The following TIMM8B variants were observed in gnomAD, a reference collection of about 807,000 sequenced individuals.
TIMM8B encodes the protein translocase of inner mitochondrial membrane 8 homolog B, also known as mitochondrial import inner membrane translocase subunit Tim8 B.
TIMM8B carries 5 observed loss-of-function variants against 8.5 expected under a neutral mutation model. The observed-to-expected ratio is 0.59, with a 90% CI of 0.31 to 1.24. The LOEUF is 1.24. TIMM8B is among the 50% of genes most tolerant of loss of function. TIMM8B has a pLI of 0.07. For missense variants in TIMM8B, 104 were observed against 109.2 expected, an observed-to-expected ratio of 0.95 and a Z score of 0.21; for synonymous variants, 44 against 39.9, an observed-to-expected ratio of 1.10 and a Z score of -0.39.
rs777356583 is a variant in TIMM8B, at chr11:112,086,718, C to T, written c.6G>A (p.Ala2=). The stretch of plus-strand genomic sequence containing the variant: ...CCGCTTCATCGGCTTCGCCCAGCTC[C>T]GCCATTGTTCGCCTCAGGCTCGCCA... The part of the protein sequence containing the change: M[A]ELGEADEAEL... The change falls in exon 1 of 2, where the codon GCG becomes GCA. Residue 2 remains alanine, a synonymous_variant. Transcript: ENST00000504148. The T allele has an allele frequency of 2.5e-6, 4 of 1,601,856 alleles. No individual in the cohort carries two copies. Among genetic ancestry groups the T allele is most frequent in the African/African-American group, 2.7e-5 (2 of 74,952 alleles).
Position 112,085,106 on chromosome 11 carries a change from A to G in TIMM8B, c.*189T>C, listed in dbSNP as rs971576711. The G allele has an allele frequency of 1.3e-5, 6 of 466,692 alleles. No individual in the cohort carries two copies. The highest frequency in any genetic ancestry group is 1.5e-5 in the Non-Finnish European group (4 of 265,020). The allele number at this position is 466,692 out of a possible 1,614,324, so 28.9% of individuals were successfully genotyped here. On this transcript the variant is annotated 3_prime_UTR_variant, in exon 2 of 2. Transcript: ENST00000504148. ...CTTATTGAGTAACTGATGTCATACA[A>G]CCTGGAATTTCTGAATTCCAAATAA...
chr11:112,085,777 C>T (rs937719605), intron 1 of TIMM8B, among the ~76,000 whole-genome samples: 3 of 152,162 alleles, frequency 2.0e-5, no homozygotes, highest in African/African-American at 7.2e-5. Flanking sequence ...AACCTATCCC[C>T]TAGACAAGGT....
Position 112,085,081 on chromosome 11 carries a change from CTTA to C in TIMM8B, c.*211_*213del. On this transcript the variant is annotated 3_prime_UTR_variant, in exon 2 of 2. Transcript: ENST00000504148. Reference sequence around the variant, plus strand: ...TAAAAGAAGAGTTGGAGAATTCACACTTATTGAGTAACTGATGTCATACAACCT... The same window carrying C: ...TAAAAGAAGAGTTGGAGAATTCACACTTGAGTAACTGATGTCATACAACCT... The C allele has an allele frequency of 2.3e-6, 1 of 426,182 alleles. No homozygotes were observed. The highest frequency in any genetic ancestry group is 4.2e-6 in the Non-Finnish European group (1 of 238,906). The allele number at this position is 426,182 out of a possible 1,614,324, so 26.4% of individuals were successfully genotyped here.
chr11:112,086,171 A>G, intron 1 of TIMM8B: 3 of 605,132 alleles, frequency 5.0e-6, no homozygotes, highest in South Asian at 4.5e-5. Context: ...CGACTACTTC[A>G]GAGTCCACCT....
chr11:112,085,547 A>T, intron 1 of TIMM8B, 85 bp from the exon 2 acceptor site: 1 of 1,161,604 alleles, frequency 8.6e-7, no homozygotes, highest in Non-Finnish European at 1.2e-6. Flanking sequence ...TTGACACCTG[A>T]CAAAACCATT....
In TIMM8B at chr11:112,085,267, T is replaced by C; in HGVS notation, c.*28A>G. On this transcript the variant is annotated 3_prime_UTR_variant, in exon 2 of 2. Transcript: ENST00000504148. ...TAAATCTGCTTAGTAACAAGTCCTT[T>C]GCTTCTGTCATTCTCCTGGGGGATG... 1 of 1,590,366 alleles carries C rather than the reference T, an allele frequency of 6.3e-7. No homozygotes were observed. Among genetic ancestry groups the C allele is most frequent in the Non-Finnish European group, 8.6e-7 (1 of 1,166,088 alleles).
At chr11:112,085,632 G>C (rs1033018693) in intron 1 of TIMM8B, among the ~76,000 whole-genome samples, 170 bp from the exon 2 acceptor site, 6 of 152,152 alleles carry the variant, frequency 3.9e-5, no homozygotes, top group African/African-American at 1.4e-4. Context: ...TATTGATCCA[G>C]ATCCTCGTCC....
Position 112,086,680 on chromosome 11 carries a change from A to T in TIMM8B, c.44T>A (p.Leu15Gln). The T allele has an allele frequency of 6.2e-7, 1 of 1,602,982 alleles. No homozygotes were observed. The highest frequency in any genetic ancestry group is 1.3e-5 in the African/African-American group (1 of 74,990). The part of the protein sequence containing the change: ...GEADEAELQR[L>Q]VAAEQQKAQF... ...CGCCTTCTGCTGCTCGGCGGCCACC[A>T]GGCGCTGCAACTCCGCTTCATCGGC... Residue 15 changes from leucine (L) to glutamine (Q), a missense_variant, in exon 1 of 2, where the codon CTG (leucine) becomes CAG (glutamine). By Grantham distance (113) the Leu-to-Gln change is moderately radical. Transcript: ENST00000504148.
rs371410717 is a variant in TIMM8B, at chr11:112,086,737, C to A, written c.-14G>T. 6.9e-6 allele frequency: 11 copies of A among 1,601,800 alleles called. No homozygotes were observed. Among genetic ancestry groups the A allele is most frequent in the South Asian group, 1.1e-5 (1 of 89,592 alleles). ...CAGCTCCGCCATTGTTCGCCTCAGGCTCGCCACCTTCCGACAGCTGTGTTT... is the reference window on the plus strand; with the variant it reads ...CAGCTCCGCCATTGTTCGCCTCAGGATCGCCACCTTCCGACAGCTGTGTTT... On this transcript the variant is annotated 5_prime_UTR_variant, in exon 1 of 2. Coordinates refer to ENST00000504148, the MANE Select transcript of TIMM8B (RefSeq NM_012459.4).
chr11:112,086,737 C>T lies in TIMM8B; in HGVS notation c.-14G>A, dbSNP rs371410717. On this transcript the variant is annotated 5_prime_UTR_variant, in exon 1 of 2. Coordinates refer to ENST00000504148, the MANE Select transcript of TIMM8B (RefSeq NM_012459.4). ...CAGCTCCGCCATTGTTCGCCTCAGG[C>T]TCGCCACCTTCCGACAGCTGTGTTT... 4 of 1,601,800 alleles carry T rather than the reference C, an allele frequency of 2.5e-6. No individual in the cohort carries two copies. Among genetic ancestry groups the T allele is most frequent in the Admixed American group, 1.7e-5 (1 of 58,556 alleles).
Position 112,085,231 on chromosome 11 carries a change from C to T in TIMM8B, c.*64G>A. 1.4e-6 allele frequency: 2 copies of T among 1,407,828 alleles called. No individual in the cohort carries two copies. Among genetic ancestry groups the T allele is most frequent in the Admixed American group, 3.9e-5 (2 of 50,768 alleles). The allele number at this position is 1,407,828 out of a possible 1,614,324, so 87.2% of individuals were successfully genotyped here. A position where few individuals can be genotyped will look rare whatever the true frequency, so the allele number is the denominator to read the frequency against. On this transcript the variant is annotated 3_prime_UTR_variant, in exon 2 of 2. Transcript: ENST00000504148. The stretch of plus-strand genomic sequence containing the variant: ...CTGACAATGGGTTGATAGCCTTCCC[C>T]CACTGACCCTTAAATCTGCTTAGTA...
chr11:112,085,219 G>T lies in TIMM8B; in HGVS notation c.*76C>A. The T allele has an allele frequency of 7.9e-7, 1 of 1,267,150 alleles. No homozygotes were observed. 78.5% of individuals were successfully genotyped at this position (1,267,150 alleles called of 1,614,324 possible). On this transcript the variant is annotated 3_prime_UTR_variant, in exon 2 of 2. Transcript: ENST00000504148. ...CCTGATGCTGATCTGACAATGGGTT[G>T]ATAGCCTTCCCCCACTGACCCTTAA...
chr11:112,086,157 A>G (rs754399401), intron 1 of TIMM8B: 85 of 723,028 alleles, frequency 1.2e-4, no homozygotes, highest in Non-Finnish European at 1.7e-4. Context: ...TCCATAGTCT[A>G]CAGCGACTAC....
rs773218445 is a variant in TIMM8B, at chr11:112,085,385, A to G, written c.162T>C (p.Asn54=). Residue 54 remains asparagine (N), a synonymous_variant, in exon 2 of 2, where the codon AAT becomes AAC. Transcript: ENST00000504148. ...AGCGGTCTACACAGCTGGAGAGACA[A>G]TTTTCAGTGCGAGAGTCTAGGCGAT... is the stretch of plus-strand genomic sequence containing the variant. ...PGNRLDSRTE[N]CLSSCVDRFI... 3 of 1,614,024 alleles carry G rather than the reference A, an allele frequency of 1.9e-6. No homozygotes were observed. The highest frequency in any genetic ancestry group is 1.1e-5 in the South Asian group (1 of 91,074).
At chr11:112,085,489 T>G in intron 1 of TIMM8B, 27 bp from the exon 2 acceptor site, 1 of 1,597,532 alleles carries the variant, frequency 6.3e-7, no homozygotes, top group Non-Finnish European at 8.6e-7. Flanking sequence ...ATAGTAACCA[T>G]TGGGGTCTGC....
intron 1 of TIMM8B, 84 bp downstream of exon 1, chr11:112,086,556 C>T (rs1865603551): frequency 2.0e-6 from 3 of 1,472,362 alleles, no homozygotes; most frequent in African/African-American, 1.4e-5. Flanking sequence ...ACCAGTGAGC[C>T]GCCAGTGTAC....
chr11:112,086,304 A>C, intron 1 of TIMM8B: 1 of 521,292 alleles, frequency 1.9e-6, no homozygotes, highest in Non-Finnish European at 3.7e-6. Context: ...TTCTACGGGC[A>C]CGTGGCCTGC....
chr11:112,086,361 C>T (rs188188004), intron 1 of TIMM8B: 1 of 617,954 alleles, frequency 1.6e-6, no homozygotes, highest in Non-Finnish European at 3.0e-6. Context: ...AATGCCAGCC[C>T]AGTCATGTCG....
intron 1 of TIMM8B, 146 bp downstream of exon 1, chr11:112,086,494 G>A (rs1865601163): frequency 3.3e-6 from 4 of 1,223,722 alleles, no homozygotes; most frequent in Middle Eastern, 2.2e-4. Context: ...AGGGACAGGA[G>A]AGCCATAACT....
Sources: gnomAD v4.1 joint callset for allele counts (sites outside exome capture counted in the v4.1 genomes callset) on GRCh38, gnomAD v4.1.1 for gene constraint, MANE v1.5 for transcripts, NCBI Gene and HGNC (gene_info 2026-07-23, HGNC 2026-07-21) for gene names.